FAM135B: variants seen among roughly 807,000 people sequenced by gnomAD.
FAM135B encodes the protein family with sequence similarity 135 member B.
Under a neutral mutation model 127.7 loss-of-function variants are expected in FAM135B, and 43 were observed. That is an observed-to-expected ratio of 0.34 (90% CI 0.26 to 0.43). The LOEUF (loss-of-function observed/expected upper bound fraction) is 0.43, where lower values mean the gene tolerates loss of function less well. Ranked by LOEUF, FAM135B falls within the 20% of genes least tolerant of loss-of-function variation. The pLI, the probability that FAM135B is intolerant of heterozygous loss-of-function variation, is 1.00. For missense variants in FAM135B, 1,558 were observed against 1,725.6 expected, an observed-to-expected ratio of 0.90 and a Z score of 1.72; for synonymous variants, 670 against 665.1, an observed-to-expected ratio of 1.01 and a Z score of -0.11.
At chr8:138,406,248 G>A (rs1833481600) in intron 1 of FAM135B, among the ~76,000 whole-genome samples, 1 of 152,036 alleles carries the variant, frequency 6.6e-6, no homozygotes, top group Admixed American at 6.6e-5. Flanking sequence ...TTTTGGATCT[G>A]AAATTGTGGC....
At chr8:138,480,100 C>G (rs1053473858) in intron 1 of FAM135B, among the ~76,000 whole-genome samples, 1 of 152,200 alleles carries the variant, frequency 6.6e-6, no homozygotes, top group Non-Finnish European at 1.5e-5. Flanking sequence ...CACGGTCATT[C>G]ATTGGATCTG....
intron 1 of FAM135B, among the ~76,000 whole-genome samples, chr8:138,430,132 C>T (rs1002305263): frequency 1.3e-5 from 2 of 152,122 alleles, no homozygotes; most frequent in African/African-American, 2.4e-5. Context: ...CACCACCTTC[C>T]CAGTTCTGTC....
chr8:138,204,252 G>A (rs1397367605), intron 7 of FAM135B, among the ~76,000 whole-genome samples: 5 of 152,130 alleles, frequency 3.3e-5, no homozygotes, highest in Non-Finnish European at 7.4e-5. Context: ...CGTTGGAAAT[G>A]TCTTTCTGAA....
rs199499199 is a variant in FAM135B at position 138,336,336 on chromosome 8, C to T, written c.78-25416G>A. On this transcript the variant is annotated intron_variant, in intron 2 of 19. Coordinates refer to ENST00000395297, the MANE Select transcript of FAM135B (RefSeq NM_015912.4). ...TCCAGGAGCTGGTTTTTTGAAAAGA[C>T]CAACAAAATTGATAGACCTCTAGCA... 1.1e-3 allele frequency among the ~76,000 whole-genome samples: 160 copies of T among 151,704 alleles called. 1 individual carries two copies. The highest frequency in any genetic ancestry group is 3.6e-3 in the African/African-American group (150 of 41,332).
chr8:138,452,124 CTTTTTT>C (rs1158033996), intron 1 of FAM135B, among the ~76,000 whole-genome samples: 3 of 104,170 alleles, frequency 2.9e-5, no homozygotes, highest in East Asian at 2.8e-4. Context: ...ACCCAATCTG[CTTTTTT>C]TTTTTTTTTT....
At chr8:138,220,717 T>TCC (rs1251832847) in intron 7 of FAM135B, among the ~76,000 whole-genome samples, 1 of 151,944 alleles carries the variant, frequency 6.6e-6, no homozygotes, top group Non-Finnish European at 1.5e-5. Flanking sequence ...CCACAAGAAC[T>TCC]CCCCCCAACT....
At chr8:138,259,396 CTGT>C (rs1822369981) in intron 4 of FAM135B, among the ~76,000 whole-genome samples, 2 of 152,204 alleles carry the variant, frequency 1.3e-5, no homozygotes, top group Non-Finnish European at 2.9e-5. Context: ...ATCAACCTCT[CTGT>C]TGTTTTCTCA....
At chr8:138,288,733 A>G (rs1824881838) in intron 3 of FAM135B, among the ~76,000 whole-genome samples, 1 of 152,226 alleles carries the variant, frequency 6.6e-6, no homozygotes, top group South Asian at 2.1e-4. Context: ...GTACAAGCAG[A>G]TCAAAGTATT....
At chr8:138,252,090 TC>T (rs750539658) in intron 5 of FAM135B, among the ~76,000 whole-genome samples, 20 of 152,134 alleles carry the variant, frequency 1.3e-4, no homozygotes, top group Non-Finnish European at 2.1e-4. Flanking sequence ...TGAATAATGG[TC>T]CCCTGGTACC....
chr8:138,492,702 C>T (rs1450543829), intron 1 of FAM135B, among the ~76,000 whole-genome samples: 1 of 152,132 alleles, frequency 6.6e-6, no homozygotes, highest in African/African-American at 2.4e-5. Flanking sequence ...CTGCATGTTG[C>T]TCTCCCTTTC....
chr8:138,142,372 C>T (rs554794645), intron 16 of FAM135B, among the ~76,000 whole-genome samples: 1 of 136,754 alleles, frequency 7.3e-6, no homozygotes, highest in Non-Finnish European at 1.5e-5. Context: ...GCAATAATCT[C>T]GGCTCACTGC....
At chr8:138,296,579 A>C (rs984387279) in intron 3 of FAM135B, among the ~76,000 whole-genome samples, 5 of 152,174 alleles carry the variant, frequency 3.3e-5, no homozygotes, top group African/African-American at 1.2e-4. Flanking sequence ...TGAAACCATG[A>C]AGCTATTCTG....
In FAM135B at chr8:138,242,932, C is replaced by T. The variant is rs201095622; in HGVS notation, c.669+10G>A. The T allele has an allele frequency of 5.6e-6, 9 of 1,610,096 alleles. No individual in the cohort carries two copies. Among genetic ancestry groups the T allele is most frequent in the Non-Finnish European group, 7.6e-6 (9 of 1,178,480 alleles). On this transcript the variant is annotated intron_variant, in intron 7 of 19. Coordinates refer to ENST00000395297, the MANE Select transcript of FAM135B (RefSeq NM_015912.4). This position sits in a 1 kb window ranked among gnomAD's most constrained non-coding sequence, Gnocchi z 9.6. ...AAAGTTTTGAAGCAACTGCCCCACA[C>T]AGGCCTTACCTCTGAGGAAGTCGGC...
intron 1 of FAM135B, among the ~76,000 whole-genome samples, chr8:138,469,211 G>GGAAA (rs200835845): frequency 6.6e-5 from 10 of 151,494 alleles, no homozygotes; most frequent in Non-Finnish European, 1.5e-4. Context: ...CAGAAAGAAA[G>GGAAA]GAAAGAAAGA....
intron 1 of FAM135B, among the ~76,000 whole-genome samples, chr8:138,473,479 C>G (rs536576300): frequency 2.0e-5 from 3 of 152,214 alleles, no homozygotes; most frequent in African/African-American, 7.2e-5. Flanking sequence ...TCCTGTAACA[C>G]GGAAATATAT....
At position 138,152,374 on chromosome 8, in the gene FAM135B, G is replaced by T. The variant is rs754073531; in HGVS notation, c.2101C>A (p.Arg701=). 1 of 1,614,026 alleles carries T rather than the reference G, an allele frequency of 6.2e-7. No homozygotes were observed. Among genetic ancestry groups the T allele is most frequent in the Non-Finnish European group, 8.5e-7 (1 of 1,180,044 alleles). Reference sequence around the variant, plus strand: ...CTGGGCAACTCCAGAGCCCTGCTTCGGGCCTCTGACCAGGCGACGGAGCTT... The same window carrying T: ...CTGGGCAACTCCAGAGCCCTGCTTCTGGCCTCTGACCAGGCGACGGAGCTT... ...EPSSVAWSEA[R]SRALELPSDR... Residue 701 remains arginine, a synonymous_variant, in exon 13 of 20, where the codon CGA becomes AGA. Transcript: ENST00000395297.
chr8:138,270,902 T>C (rs1369219430), intron 3 of FAM135B, among the ~76,000 whole-genome samples: 1 of 152,238 alleles, frequency 6.6e-6, no homozygotes, highest in Admixed American at 6.5e-5. Context: ...CCTAGTGGCC[T>C]GTGCAGATAA....
At chr8:138,384,988 C>A (rs1275695029) in intron 1 of FAM135B, among the ~76,000 whole-genome samples, 2 of 152,132 alleles carry the variant, frequency 1.3e-5, no homozygotes, top group Non-Finnish European at 2.9e-5. Context: ...TCACATCGGC[C>A]AACGCAGTCT....
rs746014143 is a variant in FAM135B, at chr8:138,151,403, G to C, written c.3072C>G (p.Ser1024Arg). 2 of 1,613,930 alleles carry C rather than the reference G, an allele frequency of 1.2e-6. No individual in the cohort carries two copies. The highest frequency in any genetic ancestry group is 1.7e-6 in the Non-Finnish European group (2 of 1,179,958). ...AGTTCACAACCTCCACAGCCTTCAG[G>C]CTGTCCAGAGTAAAGGTCTCTGCAG... ...LTSAETFTLD[S>R]LKAVEVVNLS... The change falls in exon 13 of 20, where the codon AGC (serine) becomes AGG (arginine). Residue 1024 changes from serine to arginine, a missense_variant. Around this residue, in one of 5 missense-constraint regions of FAM135B, gnomAD observed 923 missense variants for 865.3 expected, o/e 1.07. Coordinates refer to ENST00000395297, the MANE Select transcript of FAM135B (RefSeq NM_015912.4).
Sources: gnomAD v4.1 joint callset for allele counts (sites outside exome capture counted in the v4.1 genomes callset) on GRCh38, gnomAD v4.1.1 for gene constraint, gnomAD v4.1.1 regional missense constraint, Gnocchi (gnomAD v3.1) non-coding constraint, MANE v1.5 for transcripts, NCBI Gene and HGNC (gene_info 2026-07-23, HGNC 2026-07-21) for gene names.